The following MCC variants were observed in gnomAD, a reference collection of about 807,000 sequenced individuals.
The protein encoded by MCC is colorectal mutant cancer protein.
Under a neutral mutation model 116.2 loss-of-function variants are expected in MCC, and 90 were observed. That is an observed-to-expected ratio of 0.77 (90% CI 0.65 to 0.92). The LOEUF (loss-of-function observed/expected upper bound fraction) is 0.92, where lower values mean the gene tolerates loss of function less well. MCC is among the 40% of genes least tolerant of loss of function. MCC has a pLI of 0.00. For missense variants in MCC, 1,516 were observed against 1,312.2 expected, an observed-to-expected ratio of 1.16 and a Z score of -2.40; for synonymous variants, 578 against 510.5, an observed-to-expected ratio of 1.13 and a Z score of -1.78.
intron 6 of MCC, among the ~76,000 whole-genome samples, chr5:113,114,736 A>G (rs773887892): frequency 3.6e-4 from 55 of 152,276 alleles, no homozygotes; most frequent in Non-Finnish European, 7.4e-4. Flanking sequence ...TGCTTCGGAG[A>G]GGAGTCTGGC....
intron 3 of MCC, among the ~76,000 whole-genome samples, chr5:113,180,239 C>T (rs1446427477): frequency 2.0e-5 from 3 of 152,116 alleles, no homozygotes; most frequent in Non-Finnish European, 2.9e-5. Flanking sequence ...TGTTTTATTG[C>T]TATTTCTTCT....
rs370409593 is a variant in MCC, at chr5:113,102,176, G to C, written c.1192-231C>G. Reference sequence around the variant, plus strand: ...TCTGTGTTACCTGGCAACCTTCAGAGTAAGAAAAACAGTGAGTCCTCTCCT... The same window carrying C: ...TCTGTGTTACCTGGCAACCTTCAGACTAAGAAAAACAGTGAGTCCTCTCCT... On this transcript the variant is annotated intron_variant, in intron 7 of 18. Transcript: ENST00000408903. 5.3e-5 allele frequency among the ~76,000 whole-genome samples: 8 copies of C among 152,336 alleles called. No homozygotes were observed. The South Asian group carries it at 6.2e-4, about 12-fold the overall frequency.
At chr5:113,357,766 G>C (rs1768450216) in intron 2 of MCC, among the ~76,000 whole-genome samples, 1 of 152,162 alleles carries the variant, frequency 6.6e-6, no homozygotes, top group Non-Finnish European at 1.5e-5. Context: ...CACTATGCTT[G>C]CAGCCCCTCC....
intron 3 of MCC, among the ~76,000 whole-genome samples, chr5:113,153,948 G>C (rs191128148): frequency 6.6e-6 from 1 of 152,298 alleles, no homozygotes; most frequent in East Asian, 1.9e-4. Flanking sequence ...ACTCTTTTCT[G>C]GCTCTCTGGT....
At chr5:113,249,391 A>G (rs2150342993) in intron 3 of MCC, among the ~76,000 whole-genome samples, 1 of 152,376 alleles carries the variant, frequency 6.6e-6, no homozygotes, top group South Asian at 2.1e-4. Flanking sequence ...AGATGAAGTC[A>G]GAAGAAAAAC....
intron 1 of MCC, among the ~76,000 whole-genome samples, chr5:113,408,535 C>T (rs1382584937): frequency 6.6e-6 from 1 of 152,128 alleles, no homozygotes; most frequent in African/African-American, 2.4e-5. Context: ...ACAAATGCTC[C>T]ACAGAATATA....
At chr5:113,469,144 C>T (rs1324624825) in intron 1 of MCC, among the ~76,000 whole-genome samples, 5 of 152,150 alleles carry the variant, frequency 3.3e-5, no homozygotes, top group Non-Finnish European at 5.9e-5. Flanking sequence ...CTCCTGGATT[C>T]ATTAATTTTT....
At position 113,068,489 on chromosome 5, in the gene MCC, C is replaced by A. The variant is rs1417527600; in HGVS notation, c.1926-306G>T. ...GACCATGTGATTCCCTTGTGGTAGG[C>A]CACTCCAGGTAGTCCCGCTGAGCCG... On this transcript the variant is annotated intron_variant, in intron 12 of 18. Transcript: ENST00000408903. Among the ~76,000 whole-genome samples the A allele has an allele frequency of 3.9e-5, 6 of 152,342 alleles. No homozygotes were observed. In the East Asian group the frequency reaches 1.2e-3, roughly 29 times the overall value.
chr5:113,465,964 T>A (rs1369425834), intron 1 of MCC, among the ~76,000 whole-genome samples: 3 of 151,130 alleles, frequency 2.0e-5, no homozygotes, highest in Non-Finnish European at 4.4e-5. Context: ...TTAGATGGAG[T>A]CTCGTTCCAT....
At chr5:113,373,187 AT>A (rs66749987) in intron 2 of MCC, among the ~76,000 whole-genome samples, 25,167 of 149,534 alleles carry the variant, frequency 0.17, 2,292 homozygotes, top group Non-Finnish European at 0.22. Flanking sequence ...TCAAAAAAAA[AT>A]AAAATAAAAT....
At chr5:113,065,057 T>C (rs1753498062) in intron 13 of MCC, among the ~76,000 whole-genome samples, 1 of 152,080 alleles carries the variant, frequency 6.6e-6, no homozygotes, top group East Asian at 1.9e-4. Flanking sequence ...GAGGAATGAA[T>C]AGGTGGAGCC....
intron 3 of MCC, among the ~76,000 whole-genome samples, chr5:113,339,459 G>A (rs1767956848): frequency 1.3e-5 from 2 of 151,000 alleles, no homozygotes; most frequent in South Asian, 4.2e-4. Flanking sequence ...GTGTTTTACT[G>A]TAATGTCCTT....
At chr5:113,269,327 C>G (rs1443831546) in intron 3 of MCC, 3 of 370,164 alleles carry the variant, frequency 8.1e-6, no homozygotes, top group Middle Eastern at 2.6e-3. Flanking sequence ...TTCAATGATA[C>G]CTTAACTGAT....
At chr5:113,402,683 A>C (rs959059592) in intron 1 of MCC, among the ~76,000 whole-genome samples, 1 of 152,196 alleles carries the variant, frequency 6.6e-6, no homozygotes, top group Admixed American at 6.5e-5. Flanking sequence ...CTCAGATTAT[A>C]ATCAAAATAT....
At chr5:113,416,138 T>A (rs567218079) in intron 1 of MCC, among the ~76,000 whole-genome samples, 2 of 152,222 alleles carry the variant, frequency 1.3e-5, no homozygotes, top group African/African-American at 4.8e-5. Context: ...GTCTTCTGCA[T>A]TGATCACGCT....
rs147761923 is a variant in MCC at position 113,385,138 on chromosome 5, G to C, written c.245C>G (p.Ala82Gly). 2.5e-6 allele frequency: 4 copies of C among 1,614,124 alleles called. No individual in the cohort carries two copies. The highest frequency in any genetic ancestry group is 2.7e-5 in the African/African-American group (2 of 75,024). Reference sequence around the variant, plus strand: ...AAAGGAAATCTTCCCATTTTCATCTGCTCCCAACTGGTTCATGATCTCAGC... The same window carrying C: ...AAAGGAAATCTTCCCATTTTCATCTCCTCCCAACTGGTTCATGATCTCAGC... ...SVAEIMNQLG[A>G]DENGKISFQD... Residue 82 changes from alanine to glycine, a missense_variant, in exon 2 of 19, where the codon GCA (alanine) becomes GGA (glycine). Physicochemically the swap from Ala to Gly is moderately conservative, Grantham distance 60. Coordinates refer to ENST00000408903, the MANE Select transcript of MCC (RefSeq NM_001085377.2).
intron 17 of MCC, among the ~76,000 whole-genome samples, chr5:113,030,919 C>T (rs932986530): frequency 3.3e-5 from 5 of 152,100 alleles, no homozygotes; most frequent in Non-Finnish European, 7.4e-5. Flanking sequence ...GATATTTTTA[C>T]AATTTTGTAT....
chr5:113,287,415 A>T (rs1467883602), intron 3 of MCC, among the ~76,000 whole-genome samples: 4 of 151,874 alleles, frequency 2.6e-5, no homozygotes, highest in Non-Finnish European at 5.9e-5. Flanking sequence ...TGCAACCTCC[A>T]CCTCCTGGGT....
intron 8 of MCC, among the ~76,000 whole-genome samples, chr5:113,085,659 C>T (rs185854310): frequency 2.4e-4 from 36 of 152,182 alleles, no homozygotes; most frequent in Non-Finnish European, 1.3e-4. Flanking sequence ...TTATGTAAGG[C>T]CCTGGAAGCT....
Sources: gnomAD v4.1 joint callset for allele counts (sites outside exome capture counted in the v4.1 genomes callset) on GRCh38, gnomAD v4.1.1 for gene constraint, MANE v1.5 for transcripts, NCBI Gene and HGNC (gene_info 2026-07-23, HGNC 2026-07-21) for gene names.